SNTG2: variants seen among roughly 807,000 people sequenced by gnomAD.
SNTG2 encodes the protein syntrophin gamma 2.
A neutral mutation model predicts 70.9 loss-of-function variants in SNTG2; 74 were observed. That is an observed-to-expected ratio of 1.04 (90% CI 0.86 to 1.27). The LOEUF is 1.27. Ranked by LOEUF, SNTG2 falls within the 50% of genes most tolerant of loss-of-function variation. The pLI is 0.00. For synonymous variants in SNTG2, 278 were observed against 273.8 expected (o/e 1.02, Z -0.15); for missense variants, 717 against 690.7 (o/e 1.04, Z -0.43).
chr2:1,078,745 C>G (rs1022101178), intron 1 of SNTG2, among the ~76,000 whole-genome samples: 1 of 152,052 alleles, frequency 6.6e-6, no homozygotes, highest in Non-Finnish European at 1.5e-5. Flanking sequence ...ACAGGGAGGT[C>G]TTTTATGAGG....
chr2:1,234,752 G>A (rs1203517756), intron 9 of SNTG2, among the ~76,000 whole-genome samples: 1 of 151,786 alleles, frequency 6.6e-6, no homozygotes, highest in Non-Finnish European at 1.5e-5. Flanking sequence ...CCACAGCATC[G>A]ATAAAGGGTC....
chr2:1,184,567 A>G (rs1391536351), intron 8 of SNTG2, among the ~76,000 whole-genome samples: 8 of 152,182 alleles, frequency 5.3e-5, no homozygotes, highest in South Asian at 2.1e-4. Context: ...ACTTACAATC[A>G]TGGTAGAAAG....
At chr2:1,228,977 G>C (rs1439910130) in intron 9 of SNTG2, among the ~76,000 whole-genome samples, 1 of 152,054 alleles carries the variant, frequency 6.6e-6, no homozygotes, top group Non-Finnish European at 1.5e-5. Flanking sequence ...GGAGTTGTTT[G>C]TTCCTCCTGG....
chr2:964,427 A>G (rs183225276), intron 1 of SNTG2, among the ~76,000 whole-genome samples: 1 of 152,242 alleles, frequency 6.6e-6, no homozygotes, highest in Admixed American at 6.5e-5. Context: ...TCAATATTTA[A>G]CATTTTACTT....
At chr2:1,100,972 C>T (rs1267458323) in intron 4 of SNTG2, among the ~76,000 whole-genome samples, 1 of 152,160 alleles carries the variant, frequency 6.6e-6, no homozygotes, top group East Asian at 1.9e-4. Flanking sequence ...TCCCGAGCCT[C>T]ATCCCTGCCT....
intron 10 of SNTG2, 127 bp downstream of exon 10, chr2:1,238,144 C>A: frequency 8.2e-7 from 1 of 1,224,914 alleles, no homozygotes; most frequent in South Asian, 1.5e-5. Context: ...TTCAATGTGT[C>A]AAATCTATGT....
intron 16 of SNTG2, among the ~76,000 whole-genome samples, chr2:1,364,064 G>A (rs868684132): frequency 4.6e-5 from 7 of 152,000 alleles, no homozygotes; most frequent in African/African-American, 1.2e-4. Context: ...TCCGCCTCCC[G>A]GGTTCAAGTG....
intron 6 of SNTG2, among the ~76,000 whole-genome samples, chr2:1,139,727 G>C (rs1668625596): frequency 6.6e-6 from 1 of 151,504 alleles, no homozygotes; most frequent in South Asian, 2.1e-4. Flanking sequence ...TACTTAGGAG[G>C]CTGAGGTGGG....
At chr2:1,059,698 A>G (rs778766901) in intron 1 of SNTG2, among the ~76,000 whole-genome samples, 2 of 152,220 alleles carry the variant, frequency 1.3e-5, no homozygotes, top group East Asian at 1.9e-4. Context: ...AGGGCATAAC[A>G]TGAATAATCT....
Position 1,011,430 on chromosome 2 carries a change from A to G in SNTG2, c.72+60362A>G, listed in dbSNP as rs941392792. ...ATATGATAACACCATCAGTACACAT[A>G]TAATTTATTAAGTACAAATGTGGAG... is the stretch of plus-strand genomic sequence containing the variant. On this transcript the variant is annotated intron_variant, in intron 1 of 16. Transcript: ENST00000308624. 8.5e-5 allele frequency among the ~76,000 whole-genome samples: 13 copies of G among 152,274 alleles called. No homozygotes were observed. The South Asian group carries it at 1.7e-3, about 19-fold the overall frequency.
intron 1 of SNTG2, among the ~76,000 whole-genome samples, chr2:1,007,628 G>T (rs1055593734): frequency 2.6e-5 from 4 of 151,620 alleles, no homozygotes; most frequent in Non-Finnish European, 5.9e-5. Context: ...TCTCTTAAAC[G>T]ATTTCCTAAA....
At chr2:1,099,264 G>A (rs1665604947) in intron 4 of SNTG2, among the ~76,000 whole-genome samples, 1 of 152,104 alleles carries the variant, frequency 6.6e-6, no homozygotes, top group Admixed American at 6.5e-5. Context: ...ATGTCCTTGA[G>A]GCCTGCAGGG....
At chr2:1,332,659 G>A (rs541069609) in intron 16 of SNTG2, among the ~76,000 whole-genome samples, 3 of 152,186 alleles carry the variant, frequency 2.0e-5, no homozygotes, top group Admixed American at 6.5e-5. Context: ...TTTAACATAC[G>A]TAAGTCAATA....
At chr2:1,102,980 G>A (rs1385390552) in intron 4 of SNTG2, among the ~76,000 whole-genome samples, 1 of 152,208 alleles carries the variant, frequency 6.6e-6, no homozygotes, top group East Asian at 1.9e-4. Context: ...GACTCTGATT[G>A]TACCGTTGAG....
At chr2:973,528 G>A (rs1342942740) in intron 1 of SNTG2, among the ~76,000 whole-genome samples, 1 of 133,372 alleles carries the variant, frequency 7.5e-6, no homozygotes, top group Non-Finnish European at 1.6e-5. Context: ...GTATATACAT[G>A]TATATATATA....
chr2:1,249,657 T>A (rs1193791175), intron 12 of SNTG2, among the ~76,000 whole-genome samples: 1 of 152,236 alleles, frequency 6.6e-6, no homozygotes, highest in Non-Finnish European at 1.5e-5. Context: ...CAACTTTCCT[T>A]CAGTATTCAT....
chr2:1,213,374 T>C (rs1189214460), intron 9 of SNTG2, among the ~76,000 whole-genome samples: 1 of 152,320 alleles, frequency 6.6e-6, no homozygotes, highest in Non-Finnish European at 1.5e-5. Flanking sequence ...TAGCTATAAA[T>C]AAGAGTTAGA....
chr2:1,305,004 CT>C (rs576302363), intron 14 of SNTG2, among the ~76,000 whole-genome samples: 378 of 146,856 alleles, frequency 2.6e-3, no homozygotes, highest in African/African-American at 6.8e-3. Context: ...GTACTTAGAA[CT>C]TTTTTTTTTT....
At chr2:1,232,084 T>A (rs1256581704) in intron 9 of SNTG2, among the ~76,000 whole-genome samples, 3 of 152,102 alleles carry the variant, frequency 2.0e-5, no homozygotes, top group Non-Finnish European at 4.4e-5. Flanking sequence ...CCTGCACGGA[T>A]GGGGCCTCCT....
Sources: gnomAD v4.1 joint callset for allele counts (sites outside exome capture counted in the v4.1 genomes callset) on GRCh38, gnomAD v4.1.1 for gene constraint, MANE v1.5 for transcripts, NCBI Gene and HGNC (gene_info 2026-07-23, HGNC 2026-07-21) for gene names.